The following MAPKAP1 variants were observed in gnomAD, a reference collection of about 807,000 sequenced individuals.
MAPKAP1 encodes the protein target of rapamycin complex 2 subunit MAPKAP1.
In MAPKAP1, 20 loss-of-function variants were observed where a neutral mutation model predicts 65.7. That is an observed-to-expected ratio of 0.30 (90% CI 0.21 to 0.44). MAPKAP1 has a LOEUF of 0.44. MAPKAP1 is among the 20% of genes least tolerant of loss of function. The pLI, the probability that MAPKAP1 is intolerant of heterozygous loss-of-function variation, is 1.00. For missense variants in MAPKAP1, 423 were observed against 648.0 expected, an observed-to-expected ratio of 0.65 and a Z score of 3.77; for synonymous variants, 222 against 244.3, an observed-to-expected ratio of 0.91 and a Z score of 0.85.
chr9:125,507,500 A>C (rs1829176321), intron 7 of MAPKAP1, among the ~76,000 whole-genome samples: 4 of 152,208 alleles, frequency 2.6e-5, no homozygotes, highest in Admixed American at 2.6e-4. Flanking sequence ...AATCACATCT[A>C]GTGCTTCTCT....
intron 6 of MAPKAP1, among the ~76,000 whole-genome samples, chr9:125,544,123 GCCT>G (rs1589274023): frequency 6.6e-6 from 1 of 151,962 alleles, no homozygotes; most frequent in East Asian, 1.9e-4. Flanking sequence ...CGATTCTCCT[GCCT>G]CAGCCTCTCC....
chr9:125,603,049 C>T (rs1288084682), intron 4 of MAPKAP1, among the ~76,000 whole-genome samples: 1 of 139,088 alleles, frequency 7.2e-6, no homozygotes, highest in African/African-American at 2.5e-5. Flanking sequence ...AACACCACCA[C>T]ACTTGCGTCT....
rs909661656 is a variant in MAPKAP1, at chr9:125,468,231, G to C, written c.1208-122C>G. 3 of 1,024,092 alleles carry C rather than the reference G, an allele frequency of 2.9e-6. No homozygotes were observed. In the African/African-American group the frequency reaches 4.8e-5, roughly 17 times the overall value. 63.4% of individuals were successfully genotyped at this position (1,024,092 alleles called of 1,614,324 possible). On this transcript the variant is annotated intron_variant, in intron 9 of 11. Transcript: ENST00000265960. ...TGCATGAACGTGAGCTCTTTCTTAGGGCTTTGGGGAATGCCACGGGCTTCC... is the reference window on the plus strand; with the variant it reads ...TGCATGAACGTGAGCTCTTTCTTAGCGCTTTGGGGAATGCCACGGGCTTCC...
rs146480033 is a variant in MAPKAP1, at chr9:125,519,652, T to TTATATATATATATATATATATA, written c.959-13236_959-13235insTATATATATATATATATATATA. Among the ~76,000 whole-genome samples, 172 of 141,638 alleles carry TTATATATATATATATATATATA rather than the reference T, an allele frequency of 1.2e-3. 1 individual carries two copies. The highest frequency in any genetic ancestry group is 7.4e-3 in the Admixed American group (100 of 13,456). 92.9% of individuals were successfully genotyped at this position (141,638 alleles called of 152,430 possible). A position where few individuals can be genotyped will look rare whatever the true frequency, so the allele number is the denominator to read the frequency against. ...TAATATATATACATATATATGTCTT[T>TTATATATATATATATATATATA]TATATATATATATATATATAATTTA... On this transcript the variant is annotated intron_variant, in intron 7 of 11. Coordinates refer to ENST00000265960, the MANE Select transcript of MAPKAP1 (RefSeq NM_001006617.3).
chr9:125,596,732 C>A (rs1379628710), intron 4 of MAPKAP1: 4 of 509,162 alleles, frequency 7.9e-6, no homozygotes, highest in Non-Finnish European at 1.5e-5. Flanking sequence ...ACAGTGGTGG[C>A]AAGGCCTAGC....
intron 1 of MAPKAP1, among the ~76,000 whole-genome samples, chr9:125,703,102 A>C (rs1035236949): frequency 6.6e-6 from 1 of 152,194 alleles, no homozygotes; most frequent in Non-Finnish European, 1.5e-5. Flanking sequence ...ATCCAAGGAC[A>C]CTGGGCCCAC....
intron 8 of MAPKAP1, among the ~76,000 whole-genome samples, chr9:125,505,424 C>CAA (rs34967100): frequency 1.6e-4 from 23 of 145,788 alleles, no homozygotes; most frequent in South Asian, 4.3e-4. Flanking sequence ...GACTCCGTCT[C>CAA]AAAAAAAAAA....
chr9:125,578,199 A>G (rs1030560991), intron 5 of MAPKAP1, among the ~76,000 whole-genome samples: 4 of 152,190 alleles, frequency 2.6e-5, no homozygotes, highest in Non-Finnish European at 5.9e-5. Context: ...AGGGCGTGCA[A>G]GATGTGCTTT....
chr9:125,559,992 G>A (rs1167561026), intron 5 of MAPKAP1, among the ~76,000 whole-genome samples, 183 bp from the exon 6 acceptor site: 3 of 152,106 alleles, frequency 2.0e-5, no homozygotes, highest in Non-Finnish European at 4.4e-5. Context: ...GCAATGCAAA[G>A]GGGAGAAAAA....
At chr9:125,598,920 C>T (rs1698218912) in intron 4 of MAPKAP1, among the ~76,000 whole-genome samples, 1 of 151,440 alleles carries the variant, frequency 6.6e-6, no homozygotes, top group South Asian at 2.1e-4. Context: ...GGCACCTGTA[C>T]TCCCAGATAC....
chr9:125,468,262 C>T (rs1039526137), intron 9 of MAPKAP1, among the ~76,000 whole-genome samples, 153 bp from the exon 10 acceptor site: 1 of 151,796 alleles, frequency 6.6e-6, no homozygotes, highest in Non-Finnish European at 1.5e-5. Flanking sequence ...CTTCCTGAGA[C>T]AAACATAAGG....
chr9:125,456,902 A>G (rs1853183351), intron 10 of MAPKAP1, among the ~76,000 whole-genome samples: 1 of 151,908 alleles, frequency 6.6e-6, no homozygotes, highest in Non-Finnish European at 1.5e-5. Context: ...TTAAGCCACT[A>G]TGTTTTGGGG....
intron 4 of MAPKAP1, among the ~76,000 whole-genome samples, chr9:125,594,305 T>C (rs1173565711): frequency 1.3e-5 from 2 of 152,230 alleles, no homozygotes; most frequent in South Asian, 2.1e-4. Flanking sequence ...TCCAACTCCT[T>C]AGGTGGCAGT....
At chr9:125,650,186 G>A (rs968209603) in intron 4 of MAPKAP1, among the ~76,000 whole-genome samples, 2 of 152,062 alleles carry the variant, frequency 1.3e-5, no homozygotes, top group African/African-American at 4.8e-5. Flanking sequence ...CCAGAGCACT[G>A]CAAAAAATGT....
intron 1 of MAPKAP1, among the ~76,000 whole-genome samples, chr9:125,704,195 T>G (rs1360296047): frequency 6.6e-6 from 1 of 152,176 alleles, no homozygotes; most frequent in African/African-American, 2.4e-5. Context: ...CCGATCTCAG[T>G]GTTCAGCAGA....
chr9:125,637,217 T>C (rs1833450091), intron 4 of MAPKAP1, among the ~76,000 whole-genome samples: 1 of 151,858 alleles, frequency 6.6e-6, no homozygotes, highest in East Asian at 1.9e-4. Context: ...TGCAGTGAGC[T>C]GAGATCACAC....
At chr9:125,480,920 C>T (rs1456040644) in intron 9 of MAPKAP1, among the ~76,000 whole-genome samples, 2 of 139,590 alleles carry the variant, frequency 1.4e-5, no homozygotes, top group Non-Finnish European at 3.0e-5. Context: ...TGCAGTGAGC[C>T]GAGCTTGCAC....
chr9:125,491,182 G>T (rs570248363), intron 8 of MAPKAP1, among the ~76,000 whole-genome samples: 1 of 149,112 alleles, frequency 6.7e-6, no homozygotes, highest in East Asian at 2.0e-4. Flanking sequence ...GGTGGCTTAT[G>T]AATATAATTC....
At chr9:125,630,755 T>C (rs906783446) in intron 4 of MAPKAP1, among the ~76,000 whole-genome samples, 8 of 152,102 alleles carry the variant, frequency 5.3e-5, no homozygotes. Context: ...TGGGAGGTGT[T>C]TGGATCATGG....
Sources: gnomAD v4.1 joint callset for allele counts (sites outside exome capture counted in the v4.1 genomes callset) on GRCh38, gnomAD v4.1.1 for gene constraint, MANE v1.5 for transcripts, NCBI Gene and HGNC (gene_info 2026-07-23, HGNC 2026-07-21) for gene names.